The following DYNC2H1 variants were observed in gnomAD, a reference collection of about 807,000 sequenced individuals.
The protein encoded by DYNC2H1 is cytoplasmic dynein 2 heavy chain 1.
In DYNC2H1, 410 loss-of-function variants were observed where a neutral mutation model predicts 570.0. That is an observed-to-expected ratio of 0.72 (90% CI 0.66 to 0.78). DYNC2H1 has a LOEUF of 0.78. DYNC2H1 is among the 30% of genes least tolerant of loss of function. The pLI is 0.00. For synonymous variants in DYNC2H1, 1,688 were observed against 1,677.6 expected (o/e 1.01, Z -0.15); for missense variants, 4,865 against 5,046.4 (o/e 0.96, Z 1.09).
chr11:103,353,473 A>G (rs1270183438), intron 82 of DYNC2H1, among the ~76,000 whole-genome samples: 1 of 152,154 alleles, frequency 6.6e-6, no homozygotes, highest in African/African-American at 2.4e-5. Flanking sequence ...ATTTCTCTGT[A>G]TCTTCTGGTA....
chr11:103,297,435 G>A (rs966596533), intron 75 of DYNC2H1, among the ~76,000 whole-genome samples: 2 of 152,172 alleles, frequency 1.3e-5, no homozygotes, highest in Admixed American at 6.5e-5. Context: ...TAAGAAATGT[G>A]TCAGGCAGTT....
At chr11:103,169,134 C>T (rs1269778614) in intron 32 of DYNC2H1, among the ~76,000 whole-genome samples, 174 bp downstream of exon 32, 1 of 152,000 alleles carries the variant, frequency 6.6e-6, no homozygotes, top group Non-Finnish European at 1.5e-5. Flanking sequence ...AAAAGTGAAA[C>T]TTCATTCTAT....
chr11:103,322,607 T>C (rs143587595), intron 81 of DYNC2H1, among the ~76,000 whole-genome samples: 68 of 152,308 alleles, frequency 4.5e-4, no homozygotes, highest in Non-Finnish European at 7.2e-4. Context: ...TAAATCAGTC[T>C]GAATATGTAA....
At position 103,303,249 on chromosome 11, in the gene DYNC2H1, A is replaced by T. The variant is rs1867125914; in HGVS notation, c.11252A>T (p.His3751Leu). The change falls in exon 76 of 89, where the codon CAC (histidine) becomes CTC (leucine). Residue 3751 changes from histidine (H) to leucine (L), a missense_variant. By Grantham distance (99) the His-to-Leu change is moderately conservative. This residue lies in a region of DYNC2H1 where 2,401 missense variants were observed against 2,454.6 expected (regional missense o/e 0.98). Coordinates refer to ENST00000375735, the MANE Select transcript of DYNC2H1 (RefSeq NM_001377.3). The part of the protein sequence containing the change: ...ANAERSGECY[H>L]QVAMGQGQAD... The stretch of plus-strand genomic sequence containing the variant: ...GCTGAAAGAAGCGGAGAGTGTTATC[A>T]CCAGGTAAGTACATATTGTCCCGCT... 1 of 1,611,672 alleles carries T rather than the reference A, an allele frequency of 6.2e-7. No individual in the cohort carries two copies. The highest frequency in any genetic ancestry group is 8.5e-7 in the Non-Finnish European group (1 of 1,178,338).
intron 83 of DYNC2H1, among the ~76,000 whole-genome samples, chr11:103,372,358 T>C (rs111985098): frequency 0.01 from 1,549 of 152,270 alleles, 18 homozygotes; most frequent in African/African-American, 0.035. Flanking sequence ...TATGATGTTA[T>C]CTGTGCATTT....
At position 103,456,318 on chromosome 11, in the gene DYNC2H1, T is replaced by C. The variant is rs1342230866; in HGVS notation, c.12610T>C (p.Trp4204Arg). The change falls in exon 87 of 89, where the codon TGG becomes CGG. Residue 4204 changes from tryptophan to arginine, a missense_variant. Coordinates refer to ENST00000375735, the MANE Select transcript of DYNC2H1 (RefSeq NM_001377.3). ...GGATAGCCTTAAATTTGTAGCCTCATGGAAAGGTCGACTGCAAGAAGCAAA... is the reference window on the plus strand; with the variant it reads ...GGATAGCCTTAAATTTGTAGCCTCACGGAAAGGTCGACTGCAAGAAGCAAA... Reference protein sequence around the residue: ...SVDSLKFVASWKGRLQEAKLQ... With the variant: ...SVDSLKFVASRKGRLQEAKLQ... 1.9e-6 allele frequency: 3 copies of C among 1,609,276 alleles called. No homozygotes were observed. The highest frequency in any genetic ancestry group is 1.1e-5 in the South Asian group (1 of 89,816).
intron 79 of DYNC2H1, among the ~76,000 whole-genome samples, chr11:103,312,655 T>C (rs1867655382): frequency 6.8e-6 from 1 of 146,792 alleles, no homozygotes; most frequent in South Asian, 2.1e-4. Flanking sequence ...ATATCCTTAA[T>C]TTGATCTTTT....
chr11:103,320,743 T>C (rs1194895876), intron 80 of DYNC2H1, among the ~76,000 whole-genome samples: 5 of 152,186 alleles, frequency 3.3e-5, no homozygotes, highest in Non-Finnish European at 7.4e-5. Flanking sequence ...CTCATTTTGG[T>C]GCCTCAGCCT....
At chr11:103,117,212 TA>T (rs1443859331) in intron 5 of DYNC2H1, among the ~76,000 whole-genome samples, 5 of 147,024 alleles carry the variant, frequency 3.4e-5, no homozygotes, top group Non-Finnish European at 6.0e-5. Context: ...ATTGTATATA[TA>T]TATATATATT....
chr11:103,350,321 GT>G (rs1939984989), intron 82 of DYNC2H1, among the ~76,000 whole-genome samples: 1 of 136,810 alleles, frequency 7.3e-6, no homozygotes, highest in African/African-American at 3.0e-5. Context: ...ATTATAAATT[GT>G]TTTTTTCTGC....
intron 82 of DYNC2H1, among the ~76,000 whole-genome samples, chr11:103,330,830 A>G (rs1305008630): frequency 1.3e-5 from 2 of 152,144 alleles, no homozygotes; most frequent in South Asian, 2.1e-4. Flanking sequence ...CACTGAGACA[A>G]AAACTATACA....
chr11:103,466,061 A>G (rs1198203473), intron 87 of DYNC2H1, among the ~76,000 whole-genome samples: 1 of 152,104 alleles, frequency 6.6e-6, no homozygotes. Context: ...ATGGCAGTTG[A>G]GACAGTATGG....
intron 84 of DYNC2H1, among the ~76,000 whole-genome samples, chr11:103,413,087 G>A (rs928991275): frequency 2.6e-5 from 4 of 152,258 alleles, no homozygotes; most frequent in South Asian, 4.1e-4. Context: ...CTTGAGGTGC[G>A]TGTCAACTTT....
At chr11:103,433,997 A>G (rs1943980698) in intron 84 of DYNC2H1, among the ~76,000 whole-genome samples, 1 of 152,122 alleles carries the variant, frequency 6.6e-6, no homozygotes, top group African/African-American at 2.4e-5. Flanking sequence ...CCGTTCCTTT[A>G]TTAGAATTTT....
intron 84 of DYNC2H1, among the ~76,000 whole-genome samples, chr11:103,428,681 G>T (rs929513283): frequency 1.2e-4 from 18 of 152,048 alleles, no homozygotes; most frequent in African/African-American, 4.3e-4. Flanking sequence ...TCTACTTTCT[G>T]TCTCTGTGAA....
At chr11:103,178,810 T>A (rs369081328) in intron 38 of DYNC2H1, among the ~76,000 whole-genome samples, 1 of 152,100 alleles carries the variant, frequency 6.6e-6, no homozygotes, top group African/African-American at 2.4e-5. Flanking sequence ...GCATTTTTTT[T>A]AGTGAAATTG....
intron 83 of DYNC2H1, among the ~76,000 whole-genome samples, chr11:103,380,551 CGTG>C (rs1352062879): frequency 2.0e-5 from 3 of 151,038 alleles, no homozygotes; most frequent in Non-Finnish European, 4.4e-5. Flanking sequence ...TTGGAGGTTA[CGTG>C]ATGAGGAATT....
In DYNC2H1 at chr11:103,286,404, C is replaced by G. The variant is rs1160397152; in HGVS notation, c.11022+18C>G. 1.2e-6 allele frequency: 2 copies of G among 1,602,114 alleles called. No individual in the cohort carries two copies. Among genetic ancestry groups the G allele is most frequent in the Non-Finnish European group, 1.7e-6 (2 of 1,176,550 alleles). ...TTCAGCAGGTAAAATTTAGTGTTAT[C>G]TAAATGCAAAAAAGTGTTTAATGTT... is the stretch of plus-strand genomic sequence containing the variant. On this transcript the variant is annotated intron_variant, in intron 74 of 88. Coordinates refer to ENST00000375735, the MANE Select transcript of DYNC2H1 (RefSeq NM_001377.3).
intron 87 of DYNC2H1, among the ~76,000 whole-genome samples, chr11:103,458,251 C>T (rs1212415499): frequency 3.9e-5 from 6 of 152,104 alleles, no homozygotes. Flanking sequence ...TTCCAGTTGC[C>T]TACAGTATTC....
Sources: allele counts gnomAD v4.1 joint callset (sites outside exome capture counted in the v4.1 genomes callset), GRCh38; gene constraint gnomAD v4.1.1; regional missense constraint gnomAD v4.1.1; transcripts MANE v1.5; gene names NCBI Gene and HGNC (gene_info 2026-07-23, HGNC 2026-07-21).